Variants in CTNNA3 observed in about 807,000 individuals in gnomAD.
The protein encoded by CTNNA3 is catenin alpha-3.
In CTNNA3, 76 loss-of-function variants were observed where a neutral mutation model predicts 95.7. The ratio of observed to expected loss-of-function variants is 0.79; its 90% CI spans 0.66 to 0.96. CTNNA3 has a LOEUF of 0.96. Among genes scored for constraint, CTNNA3 ranks in the 40% least tolerant of loss-of-function variants. The probability of loss-of-function intolerance (pLI) is 0.00; values close to 1 mark genes in which losing one functional copy is unlikely to be tolerated. For missense variants in CTNNA3, 1,191 were observed against 1,089.8 expected, an observed-to-expected ratio of 1.09 and a Z score of -1.31; for synonymous variants, 431 against 374.4, an observed-to-expected ratio of 1.15 and a Z score of -1.74.
At chr10:66,633,532 T>C (rs975195918) in intron 9 of CTNNA3, among the ~76,000 whole-genome samples, 5 of 151,846 alleles carry the variant, frequency 3.3e-5, no homozygotes, top group African/African-American at 4.8e-5. Context: ...TACAAAAAAT[T>C]AGCCGGGTGT....
At chr10:66,452,000 C>A (rs944367705) in intron 11 of CTNNA3, among the ~76,000 whole-genome samples, 1 of 152,100 alleles carries the variant, frequency 6.6e-6, no homozygotes. Context: ...ACTTTCTTCT[C>A]CCTCATCTTC....
intron 7 of CTNNA3, among the ~76,000 whole-genome samples, chr10:66,854,507 A>C (rs1208166584): frequency 6.6e-6 from 1 of 151,902 alleles, no homozygotes; most frequent in Non-Finnish European, 1.5e-5. Flanking sequence ...AAAAATGCTG[A>C]GTGCACCTAA....
chr10:65,956,597 T>C (rs1457260718), intron 17 of CTNNA3, among the ~76,000 whole-genome samples: 2 of 152,210 alleles, frequency 1.3e-5, no homozygotes, highest in Admixed American at 1.3e-4. Context: ...GTCTTTGTTC[T>C]CATTGGTTTC....
At chr10:67,607,536 G>A (rs1039488498) in intron 2 of CTNNA3, among the ~76,000 whole-genome samples, 2 of 152,122 alleles carry the variant, frequency 1.3e-5, no homozygotes, top group African/African-American at 4.8e-5. Context: ...GATGGAGGAG[G>A]TGGAAGGGAA....
chr10:66,462,203 T>C (rs1258546338), intron 11 of CTNNA3, among the ~76,000 whole-genome samples: 3 of 152,100 alleles, frequency 2.0e-5, no homozygotes, highest in Non-Finnish European at 2.9e-5. Flanking sequence ...TCAGAAAATG[T>C]ACTTATAAAG....
At chr10:67,383,290 A>C (rs1682046768) in intron 5 of CTNNA3, among the ~76,000 whole-genome samples, 1 of 152,160 alleles carries the variant, frequency 6.6e-6, no homozygotes. Context: ...GGAAGATGAA[A>C]AAGCCATGGT....
At chr10:65,995,146 C>T (rs543001589) in intron 15 of CTNNA3, among the ~76,000 whole-genome samples, 2 of 151,800 alleles carry the variant, frequency 1.3e-5, no homozygotes, top group Non-Finnish European at 2.9e-5. Flanking sequence ...CTTTTTTCAT[C>T]ATTTCATTAA....
At chr10:65,921,639 GTCACCTGGGAAAGCAGCTTCCCAA>G (rs1462044916) in intron 17 of CTNNA3, among the ~76,000 whole-genome samples, 3 of 146,034 alleles carry the variant, frequency 2.1e-5, no homozygotes, top group African/African-American at 7.6e-5. Flanking sequence ...CACCTGGTCT[GTCACCTGGGAAAGCAGCTTCCCAA>G]TCACAGGGCA....
rs979081969 is a variant in CTNNA3 at position 66,691,226 on chromosome 10, G to A, written c.1282-69442C>T. Among the ~76,000 whole-genome samples, 9 of 152,266 alleles carry A rather than the reference G, an allele frequency of 5.9e-5. No homozygotes were observed. In the East Asian group the frequency reaches 1.2e-3, roughly 20 times the overall value. ...CTAGTCAAAGAAAGGGGTGACAGAC[G>A]GCACCTGGAAAATCGGGTCACTCCC... On this transcript the variant is annotated intron_variant, in intron 9 of 17. Coordinates refer to ENST00000433211, the MANE Select transcript of CTNNA3 (RefSeq NM_013266.4).
At chr10:66,509,903 C>T (rs1048536138) in intron 11 of CTNNA3, among the ~76,000 whole-genome samples, 3 of 151,752 alleles carry the variant, frequency 2.0e-5, no homozygotes, top group East Asian at 3.9e-4. Flanking sequence ...TGGTTCCAGA[C>T]AATTTTAGGA....
chr10:66,093,983 T>A (rs886666624), intron 14 of CTNNA3, among the ~76,000 whole-genome samples: 2 of 151,916 alleles, frequency 1.3e-5, no homozygotes, highest in Non-Finnish European at 2.9e-5. Flanking sequence ...TGTAATGGAG[T>A]TTAGAATTTA....
At chr10:66,936,071 A>G (rs1847678392) in intron 7 of CTNNA3, among the ~76,000 whole-genome samples, 1 of 152,128 alleles carries the variant, frequency 6.6e-6, no homozygotes, top group African/African-American at 2.4e-5. Context: ...CATGTCATTC[A>G]TTAAAAAGCA....
chr10:66,510,334 G>C (rs1350833926), intron 11 of CTNNA3, among the ~76,000 whole-genome samples: 1 of 145,372 alleles, frequency 6.9e-6, no homozygotes, highest in Non-Finnish European at 1.5e-5. Flanking sequence ...CATGTTGTTT[G>C]CAAAGAGGGA....
In CTNNA3 at chr10:66,827,386, C is replaced by T. The variant is rs537290055; in HGVS notation, c.1048-51862G>A. 2.0e-5 allele frequency among the ~76,000 whole-genome samples: 3 copies of T among 152,290 alleles called. No homozygotes were observed. In the South Asian group the frequency reaches 6.2e-4, roughly 32 times the overall value. ...CTTTCTCTCATGCCCTGCACAATCT[C>T]TTCCACTCAAATCATTAACAATGAT... On this transcript the variant is annotated intron_variant, in intron 7 of 17. Coordinates refer to ENST00000433211, the MANE Select transcript of CTNNA3 (RefSeq NM_013266.4).
At chr10:66,371,246 A>C (rs2092752143) in intron 12 of CTNNA3, among the ~76,000 whole-genome samples, 2 of 152,168 alleles carry the variant, frequency 1.3e-5, no homozygotes, top group Non-Finnish European at 2.9e-5. Context: ...ATATCACTGA[A>C]GGGTAAACGT....
chr10:66,522,324 C>T (rs1324979129), intron 10 of CTNNA3, among the ~76,000 whole-genome samples: 1 of 151,978 alleles, frequency 6.6e-6, no homozygotes, highest in Non-Finnish European at 1.5e-5. Context: ...GTTTATGTTG[C>T]CTTTCATAGG....
intron 7 of CTNNA3, among the ~76,000 whole-genome samples, chr10:66,793,123 G>A (rs1288765274): frequency 6.6e-6 from 1 of 151,946 alleles, no homozygotes; most frequent in African/African-American, 2.4e-5. Flanking sequence ...GAGGTTTTGG[G>A]GGGAGTAGGT....
chr10:66,224,551 A>C (rs1055780694), intron 13 of CTNNA3, among the ~76,000 whole-genome samples: 1 of 152,300 alleles, frequency 6.6e-6, no homozygotes, highest in Admixed American at 6.5e-5. Flanking sequence ...TTTTCCTCCT[A>C]CAAGAAGGGC....
At chr10:66,665,662 G>T (rs779609203) in intron 9 of CTNNA3, among the ~76,000 whole-genome samples, 2 of 152,140 alleles carry the variant, frequency 1.3e-5, no homozygotes, top group Non-Finnish European at 2.9e-5. Context: ...GGCCACATTT[G>T]TCCATTGAGG....
Sources: allele counts gnomAD v4.1 joint callset (sites outside exome capture counted in the v4.1 genomes callset), GRCh38; gene constraint gnomAD v4.1.1; transcripts MANE v1.5; gene names NCBI Gene and HGNC (gene_info 2026-07-23, HGNC 2026-07-21).